The following MLIP variants were observed in gnomAD, a reference collection of about 807,000 sequenced individuals.
MLIP encodes muscular LMNA-interacting protein.
A neutral mutation model predicts 84.8 loss-of-function variants in MLIP; 79 were observed. The observed-to-expected ratio is 0.93, with a 90% CI of 0.78 to 1.12. MLIP has a LOEUF of 1.12. Ranked by LOEUF, MLIP falls within the 50% of genes most tolerant of loss-of-function variation. MLIP has a pLI of 0.00. For synonymous variants in MLIP, 504 were observed against 463.0 expected, an observed-to-expected ratio of 1.09 and a Z score of -1.14; for missense variants, 1,257 against 1,160.6, an observed-to-expected ratio of 1.08 and a Z score of -1.21.
chr6:54,262,425 G>GA (rs1287988042), intron 13 of MLIP, among the ~76,000 whole-genome samples: 2 of 151,978 alleles, frequency 1.3e-5, no homozygotes, highest in African/African-American at 4.8e-5. Context: ...CCTCAAGTAA[G>GA]AAAAAAATGA....
At chr6:54,195,931 T>C (rs1350371660) in intron 10 of MLIP, among the ~76,000 whole-genome samples, 1 of 152,104 alleles carries the variant, frequency 6.6e-6, no homozygotes. Flanking sequence ...ATGAAGAAGA[T>C]TAAAATCGTG....
intron 11 of MLIP, among the ~76,000 whole-genome samples, chr6:54,213,077 C>G (rs1779574629): frequency 2.0e-5 from 3 of 152,178 alleles, no homozygotes; most frequent in Admixed American, 2.0e-4. Flanking sequence ...ATATTTCATT[C>G]ATGTGTTTCA....
At position 54,036,038 on chromosome 6, in the gene MLIP, T is replaced by A. The variant is rs555158767; in HGVS notation, c.63+16947T>A. Among the ~76,000 whole-genome samples, 450 of 152,086 alleles carry A rather than the reference T, an allele frequency of 3.0e-3. 4 individuals carry two copies. Among genetic ancestry groups the A allele is most frequent in the African/African-American group, 0.01 (425 of 41,552 alleles). ...CTTTTGGTATCAAGTATAAGAACTC[T>A]TCACTGAGTCCTAGGTCTTGAAGAT... is the stretch of plus-strand genomic sequence containing the variant. On this transcript the variant is annotated intron_variant, in intron 1 of 12. Transcript: ENST00000274897.
intron 13 of MLIP, among the ~76,000 whole-genome samples, chr6:54,258,096 G>GA (rs1191817343): frequency 6.6e-6 from 1 of 151,836 alleles, no homozygotes; most frequent in African/African-American, 2.4e-5. Flanking sequence ...GAAAATAGGA[G>GA]AAAAAAAGTG....
At position 54,080,937 on chromosome 6, in the gene MLIP, C is replaced by T. The variant is rs7769431; in HGVS notation, c.64-40510C>T. On this transcript the variant is annotated intron_variant, in intron 1 of 12. Coordinates refer to the MLIP transcript ENST00000274897. ...GGGTGAAAGATTTATTCTCCTCTTT[C>T]ATGTCCCCTTCCCCTCACCATCCTC... is the stretch of plus-strand genomic sequence containing the variant. 9.4e-3 allele frequency among the ~76,000 whole-genome samples: 1,424 copies of T among 151,966 alleles called. 18 individuals are homozygous for T. The highest frequency in any genetic ancestry group is 0.03 in the African/African-American group (1,224 of 41,454).
chr6:54,150,126 C>A (rs1582287200), intron 5 of MLIP, among the ~76,000 whole-genome samples: 1 of 151,940 alleles, frequency 6.6e-6, no homozygotes, highest in Admixed American at 6.6e-5. Flanking sequence ...AAGAGTAAAA[C>A]CTTTGTATGA....
chr6:54,069,237 A>T lies in MLIP; in HGVS notation c.63+50146A>T, dbSNP rs1225780421. ...TATTCATTTATTTGTTAGATCTAGG[A>T]GATGTATTTGTTTCTTGAGATAATT... On this transcript the variant is annotated intron_variant, in intron 1 of 12. Transcript: ENST00000274897. Among the ~76,000 whole-genome samples, 2 of 101,432 alleles carry T rather than the reference A, an allele frequency of 2.0e-5. 1 individual carries two copies. The highest frequency in any genetic ancestry group is 5.7e-5 in the Non-Finnish European group (2 of 35,230). The allele number at this position is 101,432 out of a possible 152,430, so 66.5% of individuals were successfully genotyped here.
At chr6:54,209,404 G>T (rs1012445051) in intron 11 of MLIP, among the ~76,000 whole-genome samples, 1 of 152,208 alleles carries the variant, frequency 6.6e-6, no homozygotes, top group African/African-American at 2.4e-5. Context: ...AGGACAGCTT[G>T]TGAAGTTCAG....
intron 1 of MLIP, among the ~76,000 whole-genome samples, chr6:54,036,764 G>T (rs1006734607): frequency 2.5e-4 from 38 of 152,010 alleles, no homozygotes; most frequent in Non-Finnish European, 1.5e-5. Context: ...GAAATCAGTA[G>T]GTCAAAGAGA....
chr6:54,189,070 C>T (rs183707971), intron 9 of MLIP, among the ~76,000 whole-genome samples: 3 of 152,042 alleles, frequency 2.0e-5, no homozygotes, highest in African/African-American at 7.2e-5. Context: ...CCTGAAAAAA[C>T]CACAAAAACC....
chr6:54,118,109 A>G (rs1301203752), intron 1 of MLIP, among the ~76,000 whole-genome samples: 2 of 152,220 alleles, frequency 1.3e-5, no homozygotes, highest in East Asian at 3.8e-4. Flanking sequence ...CAAGTGATCT[A>G]CAGATTCAAC....
chr6:54,220,031 C>A lies in MLIP; in HGVS notation c.2719-10683C>A, dbSNP rs548094342. Among the ~76,000 whole-genome samples the A allele has an allele frequency of 5.3e-5, 8 of 152,092 alleles. No homozygotes were observed. In the South Asian group the frequency reaches 1.7e-3, roughly 32 times the overall value. ...CCACTGCTGATACAAGCATAAGCAACAAGAAATAGCAGAGGTGACACCATA... is the reference window on the plus strand; with the variant it reads ...CCACTGCTGATACAAGCATAAGCAAAAAGAAATAGCAGAGGTGACACCATA... On this transcript the variant is annotated intron_variant, in intron 11 of 13. Transcript: ENST00000502396.
upstream of MLIP, among the ~76,000 whole-genome samples, chr6:54,110,393 C>A (rs561687537): frequency 1.3e-5 from 2 of 152,250 alleles, no homozygotes; most frequent in East Asian, 1.9e-4. Flanking sequence ...CACTTATATT[C>A]TCTTTTGAGT....
At chr6:54,114,246 T>G (rs1561942150) in intron 1 of MLIP, among the ~76,000 whole-genome samples, 1 of 152,328 alleles carries the variant, frequency 6.6e-6, no homozygotes, top group East Asian at 1.9e-4. Context: ...AGTCTCCTGG[T>G]TTTAAATATC....
At chr6:54,215,144 C>T (rs1240145393) in intron 11 of MLIP, 2 of 1,535,150 alleles carry the variant, frequency 1.3e-6, no homozygotes, top group Admixed American at 2.0e-5. Context: ...ACTCAGGCTG[C>T]ACATTCTGTG....
intron 10 of MLIP, among the ~76,000 whole-genome samples, chr6:54,192,060 TA>T (rs200486270): frequency 0.01 from 1,552 of 151,534 alleles, 29 homozygotes; most frequent in African/African-American, 0.034. Flanking sequence ...GTGAATGTAA[TA>T]AAAAAAACTT....
At chr6:54,058,217 A>T (rs1004219096) in intron 1 of MLIP, among the ~76,000 whole-genome samples, 1 of 152,132 alleles carries the variant, frequency 6.6e-6, no homozygotes, top group African/African-American at 2.4e-5. Context: ...TTGGGTCTTT[A>T]CTTCCCTTTC....
At chr6:54,072,723 A>G (rs1342367575) in intron 1 of MLIP, among the ~76,000 whole-genome samples, 1 of 152,162 alleles carries the variant, frequency 6.6e-6, no homozygotes, top group Non-Finnish European at 1.5e-5. Context: ...AGCAGATTAG[A>G]AACATCAAGT....
chr6:54,055,673 A>G (rs1765622065), intron 1 of MLIP, among the ~76,000 whole-genome samples: 1 of 152,192 alleles, frequency 6.6e-6, no homozygotes, highest in Admixed American at 6.5e-5. Flanking sequence ...CAAAAATATA[A>G]CAAACATGGA....
Sources: allele counts gnomAD v4.1 joint callset (sites outside exome capture counted in the v4.1 genomes callset), GRCh38; gene constraint gnomAD v4.1.1; transcripts MANE v1.5; gene names NCBI Gene and HGNC (gene_info 2026-07-23, HGNC 2026-07-21).